The following THSD7B variants were observed in gnomAD, a reference collection of about 807,000 sequenced individuals.
The protein encoded by THSD7B is thrombospondin type 1 domain containing 7B.
THSD7B carries 138 observed loss-of-function variants against 213.6 expected under a neutral mutation model. The ratio of observed to expected loss-of-function variants is 0.65; its 90% CI spans 0.56 to 0.74. The LOEUF is 0.74. Ranked by LOEUF, THSD7B falls within the 30% of genes least tolerant of loss-of-function variation. THSD7B has a pLI of 0.00. For synonymous variants in THSD7B, 742 were observed against 687.0 expected, an observed-to-expected ratio of 1.08 and a Z score of -1.25; for missense variants, 1,931 against 1,991.5, an observed-to-expected ratio of 0.97 and a Z score of 0.58.
intron 2 of THSD7B, among the ~76,000 whole-genome samples, chr2:136,962,369 T>C (rs377463460): frequency 2.8e-5 from 4 of 144,678 alleles, no homozygotes; most frequent in African/African-American, 1.0e-4. Flanking sequence ...ACAGAGGCAA[T>C]AGGAAAGTAA....
In THSD7B at chr2:137,170,722, C is replaced by A. The variant is rs759226121; in HGVS notation, c.1526-19C>A. On this transcript the variant is annotated intron_variant, in intron 6 of 27. Transcript: ENST00000409968. ...AAAAGAGTGGAATTCTCTGAAAATT[C>A]TTTTCTCTCTCTTTTTAGGATTTAG... is the stretch of plus-strand genomic sequence containing the variant. The A allele has an allele frequency of 8.8e-6, 14 of 1,598,698 alleles. No individual in the cohort carries two copies. Among genetic ancestry groups the A allele is most frequent in the Non-Finnish European group, 1.2e-5 (14 of 1,171,436 alleles).
At chr2:136,838,797 G>A (rs1682878928) in intron 1 of THSD7B, among the ~76,000 whole-genome samples, 1 of 152,058 alleles carries the variant, frequency 6.6e-6, no homozygotes, top group Non-Finnish European at 1.5e-5. Flanking sequence ...TGTGCTTTGG[G>A]TACCATACTG....
intron 2 of THSD7B, among the ~76,000 whole-genome samples, chr2:136,956,026 CA>C (rs766980289): frequency 5.4e-4 from 32 of 59,096 alleles, no homozygotes; most frequent in African/African-American, 1.6e-3. Context: ...GACTCCGTCT[CA>C]AAAAAAAAAG....
intron 15 of THSD7B, among the ~76,000 whole-genome samples, chr2:137,488,497 T>C (rs2105118310): frequency 6.6e-6 from 1 of 152,312 alleles, no homozygotes; most frequent in East Asian, 1.9e-4. Context: ...CTACCTATAA[T>C]TTTATCAACT....
Position 137,655,678 on chromosome 2 carries a change from T to G in THSD7B, c.4105+18T>G, listed in dbSNP as rs1683223007. 2.5e-6 allele frequency: 4 copies of G among 1,609,006 alleles called. No homozygotes were observed. The highest frequency in any genetic ancestry group is 4.5e-5 in the East Asian group (2 of 44,744). On this transcript the variant is annotated intron_variant, in intron 22 of 27. Transcript: ENST00000409968. ...TTGCCCAGGTATGCAATGCTAGTGA[T>G]TGGGAGCGCCTCCCATGGTGATCTT...
rs117035158 is a variant in THSD7B at position 136,992,745 on chromosome 2, A to G, written c.140-63675A>G. Among the ~76,000 whole-genome samples the G allele has an allele frequency of 1.5e-3, 221 of 152,284 alleles. 2 individuals are homozygous for G. The East Asian group carries it at 0.039, about 27-fold the overall frequency. On this transcript the variant is annotated intron_variant, in intron 2 of 27. Transcript: ENST00000409968. ...CTTCTGGCTTGCCACACAGTAGCAC[A>G]TCTTGGCAACTCACCTATTTATCAT...
At chr2:136,841,318 G>A (rs534707806) in intron 1 of THSD7B, among the ~76,000 whole-genome samples, 21 of 152,124 alleles carry the variant, frequency 1.4e-4, no homozygotes, top group South Asian at 6.2e-4. Flanking sequence ...AAAAAAGACC[G>A]GGCGCAGTGG....
chr2:137,657,192 C>T, intron 24 of THSD7B, 32 bp downstream of exon 24: 1 of 1,593,906 alleles, frequency 6.3e-7, no homozygotes, highest in Non-Finnish European at 8.6e-7. Flanking sequence ...GTGGGCACTT[C>T]ACAAACACCC....
intron 4 of THSD7B, among the ~76,000 whole-genome samples, chr2:137,112,437 G>A (rs114415128): frequency 0.012 from 1,832 of 151,846 alleles, 41 homozygotes; most frequent in African/African-American, 0.041. Context: ...GAACTTGGGT[G>A]TTTTTGGTTA....
chr2:137,420,167 G>T (rs1686893352), intron 14 of THSD7B, among the ~76,000 whole-genome samples: 1 of 151,956 alleles, frequency 6.6e-6, no homozygotes, highest in African/African-American at 2.4e-5. Flanking sequence ...TATCTACCGT[G>T]GTTTTGATTT....
chr2:137,662,329 C>T (rs1201097572), intron 25 of THSD7B, among the ~76,000 whole-genome samples: 11 of 150,718 alleles, frequency 7.3e-5, no homozygotes, highest in African/African-American at 2.4e-4. Flanking sequence ...GTGATCCACC[C>T]GCCTTGGCCT....
chr2:136,872,575 CTCTTTCTTTT>C lies in THSD7B; in HGVS notation c.-35-9559_-35-9550del, dbSNP rs1456864065. On this transcript the variant is annotated intron_variant, in intron 1 of 27. Coordinates refer to ENST00000409968, the MANE Select transcript of THSD7B (RefSeq NM_001316349.2). ...TTCTTTTCCTTTTCTTTTCTTCTTT[CTCTTTCTTTT>C]TCTTTCTTTCTTTCTTCCTTTTTCT... 2.1e-5 allele frequency among the ~76,000 whole-genome samples: 3 copies of C among 145,798 alleles called. 1 individual carries two copies. The highest frequency in any genetic ancestry group is 4.5e-5 in the Non-Finnish European group (3 of 66,946).
intron 12 of THSD7B, among the ~76,000 whole-genome samples, chr2:137,283,609 G>A (rs1033081285): frequency 2.0e-5 from 3 of 152,178 alleles, no homozygotes; most frequent in Non-Finnish European, 4.4e-5. Flanking sequence ...TTAGCATGAA[G>A]CGTTGTTGAA....
chr2:136,941,854 G>T (rs1184087461), intron 2 of THSD7B, among the ~76,000 whole-genome samples: 1 of 152,118 alleles, frequency 6.6e-6, no homozygotes, highest in Non-Finnish European at 1.5e-5. Flanking sequence ...AGGTTAATTA[G>T]ATCCCATTTG....
At chr2:136,948,492 A>C (rs1361534509) in intron 2 of THSD7B, among the ~76,000 whole-genome samples, 2 of 151,912 alleles carry the variant, frequency 1.3e-5, no homozygotes, top group Non-Finnish European at 2.9e-5. Context: ...ACACATACAC[A>C]CACCCCTCTT....
At chr2:137,671,696 T>C (rs1573779622) in intron 27 of THSD7B, among the ~76,000 whole-genome samples, 1 of 152,288 alleles carries the variant, frequency 6.6e-6, no homozygotes, top group African/African-American at 2.4e-5. Flanking sequence ...AGTTTCTCTC[T>C]TCACATGTGG....
intron 12 of THSD7B, among the ~76,000 whole-genome samples, chr2:137,398,413 A>G (rs1295350214): frequency 6.7e-6 from 1 of 149,274 alleles, no homozygotes; most frequent in African/African-American, 2.5e-5. Flanking sequence ...GTCTGTTGGA[A>G]TACCCTGCTG....
intron 2 of THSD7B, among the ~76,000 whole-genome samples, chr2:136,934,306 C>G (rs1684682483): frequency 6.6e-6 from 1 of 152,056 alleles, no homozygotes. Flanking sequence ...TTATTGAACT[C>G]TTTTCTAATC....
intron 2 of THSD7B, among the ~76,000 whole-genome samples, chr2:137,025,815 C>T (rs1245442334): frequency 1.3e-5 from 2 of 152,054 alleles, no homozygotes; most frequent in Non-Finnish European, 2.9e-5. Flanking sequence ...AATAGAGTTC[C>T]TGACTGGCAG....
Sources: allele counts gnomAD v4.1 joint callset (sites outside exome capture counted in the v4.1 genomes callset), GRCh38; gene constraint gnomAD v4.1.1; transcripts MANE v1.5; gene names NCBI Gene and HGNC (gene_info 2026-07-23, HGNC 2026-07-21).